The following SS18L1 variants were observed in gnomAD, a reference collection of about 807,000 sequenced individuals.
SS18L1 encodes the protein calcium-responsive transactivator.
Under a neutral mutation model 70.3 loss-of-function variants are expected in SS18L1, and 32 were observed. The observed-to-expected ratio is 0.46, with a 90% CI of 0.34 to 0.61. The LOEUF is 0.61. Ranked by LOEUF, SS18L1 falls within the 20% of genes least tolerant of loss-of-function variation. The pLI, the probability that SS18L1 is intolerant of heterozygous loss-of-function variation, is 0.01. For synonymous variants in SS18L1, 237 were observed against 229.7 expected, an observed-to-expected ratio of 1.03 and a Z score of -0.29; for missense variants, 430 against 542.1, an observed-to-expected ratio of 0.79 and a Z score of 2.05.
intron 1 of SS18L1, among the ~76,000 whole-genome samples, chr20:62,146,374 G>C (rs924359205): frequency 3.3e-5 from 5 of 152,300 alleles, no homozygotes; most frequent in African/African-American, 1.2e-4. Context: ...GGTCCCATCA[G>C]TGGAAGCGTT....
rs1435882291 is a variant in SS18L1, at chr20:62,150,646, T to A, written c.69+6757T>A. ...ACATTGAGGTGGATTTTTTTTTTTT[T>A]TTTTTTTTTTTTTTTTTTTTTTTTG... On this transcript the variant is annotated intron_variant, in intron 1 of 10. Transcript: ENST00000331758. 5.4e-5 allele frequency among the ~76,000 whole-genome samples: 4 copies of A among 74,742 alleles called. 1 individual carries two copies. The highest frequency in any genetic ancestry group is 1.1e-3 in the South Asian group (2 of 1,816). The allele number at this position is 74,742 out of a possible 152,430, so 49.0% of individuals were successfully genotyped here.
rs1444647356 is a variant in SS18L1 at position 62,158,454 on chromosome 20, C to T, written c.70-218C>T. On this transcript the variant is annotated intron_variant, in intron 1 of 10. Coordinates refer to ENST00000331758, the MANE Select transcript of SS18L1 (RefSeq NM_198935.3). This position sits in a 1 kb window ranked among gnomAD's most constrained non-coding sequence, Gnocchi z 4.5. ...ACCAACATGAGGCTCAAAGGAAATG[C>T]TCATTGGAGCATTTTGGATTTCGGG... Among the ~76,000 whole-genome samples, 7 of 151,844 alleles carry T rather than the reference C, an allele frequency of 4.6e-5. No individual in the cohort carries two copies. Among genetic ancestry groups the T allele is most frequent in the Non-Finnish European group, 7.4e-5 (5 of 67,996 alleles).
In SS18L1 at chr20:62,182,437, G is replaced by C. The variant is rs541820331; in HGVS notation, c.*3229G>C. 5.1e-6 allele frequency: 1 copy of C among 194,688 alleles called. No individual in the cohort carries two copies. Among genetic ancestry groups the C allele is most frequent in the East Asian group, 8.1e-5 (1 of 12,368 alleles). 12.1% of individuals were successfully genotyped at this position (194,688 alleles called of 1,614,324 possible). On this transcript the variant is annotated 3_prime_UTR_variant, in exon 11 of 11. Coordinates refer to ENST00000331758, the MANE Select transcript of SS18L1 (RefSeq NM_198935.3). ...TCAGTCGGAGTTTGACGTATAAATT[G>C]TTTATGCTTTTGGTGTAATCTCTTA... is the stretch of plus-strand genomic sequence containing the variant.
At position 62,147,879 on chromosome 20, in the gene SS18L1, T is replaced by G. The variant is rs560872907; in HGVS notation, c.69+3990T>G. ...GGGGCATGGGCAAGGGGCGCACTTC[T>G]GGGTGGGGATGGGCTGCGGAGGATG... is the stretch of plus-strand genomic sequence containing the variant. On this transcript the variant is annotated intron_variant, in intron 1 of 10. Coordinates refer to ENST00000331758, the MANE Select transcript of SS18L1 (RefSeq NM_198935.3). Among the ~76,000 whole-genome samples the G allele has an allele frequency of 6.6e-5, 10 of 152,184 alleles. No individual in the cohort carries two copies. In the South Asian group the frequency reaches 2.1e-3, roughly 32 times the overall value.
At chr20:62,177,532 C>T (rs1331775971) in intron 10 of SS18L1, among the ~76,000 whole-genome samples, 4 of 152,178 alleles carry the variant, frequency 2.6e-5, no homozygotes, top group Admixed American at 6.5e-5. Context: ...TGGGGGCATT[C>T]GGGAAATCTG....
chr20:62,178,141 CTTTTTTTTTTTTT>C (rs61157167), intron 10 of SS18L1, among the ~76,000 whole-genome samples: 7 of 97,830 alleles, frequency 7.2e-5, no homozygotes, highest in Non-Finnish European at 1.4e-4. Context: ...GTGGCTTATT[CTTTTTTTTTTTTT>C]TTTTTTTTTT....
chr20:62,147,719 C>T (rs1248704953), intron 1 of SS18L1, among the ~76,000 whole-genome samples: 3 of 152,132 alleles, frequency 2.0e-5, no homozygotes, highest in African/African-American at 7.2e-5. Context: ...CTGGGGCCGC[C>T]TGCTGGGTGG....
chr20:62,154,572 G>A, intron 1 of SS18L1: 1 of 1,005,048 alleles, frequency 9.9e-7, no homozygotes, highest in Non-Finnish European at 1.2e-6. Flanking sequence ...CCTTGGTATG[G>A]GACACAGCTC....
At position 62,168,050 on chromosome 20, in the gene SS18L1, G is replaced by T. The variant is rs1198263186; in HGVS notation, c.916+2536G>T. Among the ~76,000 whole-genome samples, 3 of 135,814 alleles carry T rather than the reference G, an allele frequency of 2.2e-5. No homozygotes were observed. The South Asian group carries it at 7.3e-4, about 33-fold the overall frequency. 89.1% of individuals were successfully genotyped at this position (135,814 alleles called of 152,430 possible). Reference sequence around the variant, plus strand: ...TTGCCATGTTGCCCAGGCTGGTTTTGAACTCCTGGGCTCAAGTGCCACCTC... The same window carrying T: ...TTGCCATGTTGCCCAGGCTGGTTTTTAACTCCTGGGCTCAAGTGCCACCTC... On this transcript the variant is annotated intron_variant, in intron 8 of 10. Transcript: ENST00000331758.
At position 62,143,859 on chromosome 20, in the gene SS18L1, AG is replaced by A; in HGVS notation, c.43del (p.Glu15ArgfsTer17). 1 of 1,300,668 alleles carries A rather than the reference AG, an allele frequency of 7.7e-7. No homozygotes were observed. Among genetic ancestry groups the A allele is most frequent in the East Asian group, 4.6e-5 (1 of 21,800 alleles). The allele number at this position is 1,300,668 out of a possible 1,614,324, so 80.6% of individuals were successfully genotyped here. On this transcript the variant is annotated frameshift_variant, in exon 1 of 11. Transcript: ENST00000331758. LOFTEE classifies it high-confidence loss of function. Reference sequence around the variant, plus strand: ...TCGCGTCTGCCCGGCCAAGAGGCAAAGGGGAGGTTACGCAGCAAACCATCCA... The same window carrying A: ...TCGCGTCTGCCCGGCCAAGAGGCAAAGGGAGGTTACGCAGCAAACCATCCA... ...AFASARPRGK[G>X]EVTQQTIQKM...
intron 8 of SS18L1, among the ~76,000 whole-genome samples, chr20:62,166,278 T>G (rs990617463): frequency 6.6e-6 from 1 of 152,340 alleles, no homozygotes; most frequent in East Asian, 1.9e-4. Flanking sequence ...AGGGGCCTCG[T>G]GTCTGCTGAC....
chr20:62,176,793 T>C (rs2057627002), intron 10 of SS18L1, among the ~76,000 whole-genome samples: 1 of 127,744 alleles, frequency 7.8e-6, no homozygotes, highest in African/African-American at 4.8e-5. Flanking sequence ...AGACTCCATC[T>C]CAAAAAAAAG....
chr20:62,153,277 G>A (rs2057166636), intron 1 of SS18L1, among the ~76,000 whole-genome samples: 1 of 152,218 alleles, frequency 6.6e-6, no homozygotes, highest in African/African-American at 2.4e-5. Flanking sequence ...CACGACACGT[G>A]GGGCTTATGG....
Position 62,181,960 on chromosome 20 carries a change from T to C in SS18L1, c.*2752T>C, listed in dbSNP as rs1319828574. On this transcript the variant is annotated 3_prime_UTR_variant, in exon 11 of 11. Transcript: ENST00000331758. ...AGCAAATTGTGAATTTGAAAAATGA[T>C]GGCCAGTTTTCAGAAGTGCTGACAA... 2 of 228,624 alleles carry C rather than the reference T, an allele frequency of 8.7e-6. No individual in the cohort carries two copies. The highest frequency in any genetic ancestry group is 2.2e-5 in the African/African-American group (1 of 45,100). 14.2% of individuals were successfully genotyped at this position (228,624 alleles called of 1,614,324 possible).
chr20:62,168,961 G>C (rs1006277116), intron 8 of SS18L1, among the ~76,000 whole-genome samples: 1 of 152,176 alleles, frequency 6.6e-6, no homozygotes, highest in Non-Finnish European at 1.5e-5. Context: ...CAGGGCACCA[G>C]TAATAGGAGG....
chr20:62,170,738 C>A (rs2145773340), intron 8 of SS18L1, among the ~76,000 whole-genome samples: 1 of 152,364 alleles, frequency 6.6e-6, no homozygotes, highest in East Asian at 1.9e-4. Context: ...GCTGCCAGTT[C>A]CCACTAGATC....
Position 62,161,043 on chromosome 20 carries a change from C to T in SS18L1, c.232-393C>T, listed in dbSNP as rs113636496. Reference sequence around the variant, plus strand: ...GAGAGGGATCCCACCTCTGCCGAAGCTCTTGGCACGGAGGGGTCGTGGTTG... The same window carrying T: ...GAGAGGGATCCCACCTCTGCCGAAGTTCTTGGCACGGAGGGGTCGTGGTTG... On this transcript the variant is annotated intron_variant, in intron 3 of 10. Coordinates refer to ENST00000331758, the MANE Select transcript of SS18L1 (RefSeq NM_198935.3). The surrounding 1 kb of genome is among the most constrained non-coding windows in gnomAD (Gnocchi z 4.4). Among the ~76,000 whole-genome samples, 20 of 151,852 alleles carry T rather than the reference C, an allele frequency of 1.3e-4. No homozygotes were observed. The highest frequency in any genetic ancestry group is 4.3e-4 in the African/African-American group (18 of 41,392).
chr20:62,154,476 C>T (rs1023972523), intron 1 of SS18L1: 5 of 1,025,610 alleles, frequency 4.9e-6, no homozygotes, highest in Non-Finnish European at 5.9e-6. Flanking sequence ...GTGAGTTCAT[C>T]TCTCCTCCAG....
intron 1 of SS18L1, among the ~76,000 whole-genome samples, chr20:62,155,710 C>A (rs2057210424): frequency 6.6e-6 from 1 of 152,188 alleles, no homozygotes; most frequent in Non-Finnish European, 1.5e-5. Flanking sequence ...CCTGGGCGAC[C>A]CTGAAAGGTG....
Sources: gnomAD v4.1 joint callset for allele counts (sites outside exome capture counted in the v4.1 genomes callset) on GRCh38, gnomAD v4.1.1 for gene constraint, Gnocchi (gnomAD v3.1) non-coding constraint, MANE v1.5 for transcripts, NCBI Gene and HGNC (gene_info 2026-07-23, HGNC 2026-07-21) for gene names.